GPATCH8: variants seen among roughly 807,000 people sequenced by gnomAD.
The protein encoded by GPATCH8 is G-patch domain containing 8.
A neutral mutation model predicts 118.3 loss-of-function variants in GPATCH8; 18 were observed. The observed-to-expected ratio is 0.15, with a 90% CI of 0.11 to 0.23. The LOEUF (loss-of-function observed/expected upper bound fraction) is 0.23, where lower values mean the gene tolerates loss of function less well. Among genes scored for constraint, GPATCH8 ranks in the 10% least tolerant of loss-of-function variants. The pLI, the probability that GPATCH8 is intolerant of heterozygous loss-of-function variation, is 1.00. For missense variants in GPATCH8, 1,631 were observed against 1,873.8 expected, an observed-to-expected ratio of 0.87 and a Z score of 2.39; for synonymous variants, 659 against 684.7, an observed-to-expected ratio of 0.96 and a Z score of 0.59.
At chr17:44,483,182 T>A (rs1440742115) in intron 1 of GPATCH8, among the ~76,000 whole-genome samples, 951 of 12,824 alleles carry the variant, frequency 0.074, 76 homozygotes, top group Non-Finnish European at 0.096. Context: ...AAAAAATATA[T>A]ATATATATAT....
intron 5 of GPATCH8, among the ~76,000 whole-genome samples, chr17:44,426,018 C>CTCT (rs2050077574): frequency 6.6e-6 from 1 of 152,156 alleles, no homozygotes; most frequent in South Asian, 2.1e-4. Context: ...GAAAGTTAAG[C>CTCT]TCTTTATAGA....
Position 44,424,469 on chromosome 17 carries a change from T to C in GPATCH8, c.372A>G (p.Ala124=). Residue 124 remains alanine, a synonymous_variant, in exon 6 of 8, where the codon GCA becomes GCG. Transcript: ENST00000591680. Reference sequence around the variant, plus strand: ...TGAGGTCTTCCAAGGCTTTGGCAATTGCCTTCTCTTTGTCAACATAATCCT... The same window carrying C: ...TGAGGTCTTCCAAGGCTTTGGCAATCGCCTTCTCTTTGTCAACATAATCCT... ...KYKDYVDKEK[A]IAKALEDLRA... 2 of 1,608,404 alleles carry C rather than the reference T, an allele frequency of 1.2e-6. No individual in the cohort carries two copies. The highest frequency in any genetic ancestry group is 1.7e-6 in the Non-Finnish European group (2 of 1,174,862).
intron 2 of GPATCH8, among the ~76,000 whole-genome samples, chr17:44,471,580 T>C (rs1462734154): frequency 6.6e-6 from 1 of 152,154 alleles, no homozygotes; most frequent in Non-Finnish European, 1.5e-5. Flanking sequence ...CACTTTTGAG[T>C]TGCATGCTGT....
At chr17:44,476,055 G>A (rs1353230665) in intron 1 of GPATCH8, among the ~76,000 whole-genome samples, 1 of 151,912 alleles carries the variant, frequency 6.6e-6, no homozygotes, top group Non-Finnish European at 1.5e-5. Context: ...CAACTTATTA[G>A]GAATCTAGGC....
intron 3 of GPATCH8, among the ~76,000 whole-genome samples, chr17:44,450,670 A>T (rs2051080666): frequency 6.6e-6 from 1 of 152,202 alleles, no homozygotes; most frequent in African/African-American, 2.4e-5. Context: ...GTAAATTTTA[A>T]ATGAACTTTT....
At chr17:44,480,517 A>C (rs1968141344) in intron 1 of GPATCH8, among the ~76,000 whole-genome samples, 1 of 152,084 alleles carries the variant, frequency 6.6e-6, no homozygotes, top group Non-Finnish European at 1.5e-5. Context: ...GGAGTACAAG[A>C]CCAGCCTGAC....
intron 6 of GPATCH8, among the ~76,000 whole-genome samples, chr17:44,419,473 G>A (rs1161029808): frequency 6.6e-6 from 1 of 152,104 alleles, no homozygotes; most frequent in Non-Finnish European, 1.5e-5. Flanking sequence ...GTCAATTAAA[G>A]ATTCCTTAGA....
chr17:44,420,003 A>AAAAACC (rs951700230), intron 6 of GPATCH8, among the ~76,000 whole-genome samples: 2 of 152,090 alleles, frequency 1.3e-5, no homozygotes, highest in East Asian at 1.9e-4. Flanking sequence ...ACATTTCACC[A>AAAAACC]AAAACCAAAA....
chr17:44,463,921 C>T (rs933821396), intron 3 of GPATCH8, among the ~76,000 whole-genome samples: 1 of 152,062 alleles, frequency 6.6e-6, no homozygotes, highest in Non-Finnish European at 1.5e-5. Context: ...GAGAAATAAC[C>T]TCTCTGCTCA....
At chr17:44,458,992 G>A (rs988052543) in intron 3 of GPATCH8, among the ~76,000 whole-genome samples, 4 of 152,134 alleles carry the variant, frequency 2.6e-5, no homozygotes, top group African/African-American at 9.7e-5. Context: ...TGTGGGGTAA[G>A]GAATGACAAT....
At chr17:44,499,715 T>C (rs536530870) in intron 1 of GPATCH8, among the ~76,000 whole-genome samples, 4 of 152,338 alleles carry the variant, frequency 2.6e-5, no homozygotes, top group East Asian at 1.9e-4. Context: ...TCTTAAGTTA[T>C]ACATTTTCCA....
chr17:44,493,071 T>TTTTTTTTA (rs1568071349), intron 1 of GPATCH8, among the ~76,000 whole-genome samples: 1 of 150,790 alleles, frequency 6.6e-6, no homozygotes, highest in African/African-American at 2.4e-5. Context: ...TTTTTTTTTT[T>TTTTTTTTA]AAGACAGAGT....
chr17:44,498,982 T>A (rs1568079678), intron 1 of GPATCH8, among the ~76,000 whole-genome samples: 1 of 152,206 alleles, frequency 6.6e-6, no homozygotes, highest in Non-Finnish European at 1.5e-5. Context: ...AGAGGATTCC[T>A]ACAAACATAC....
intron 1 of GPATCH8, among the ~76,000 whole-genome samples, chr17:44,488,565 T>G (rs919752232): frequency 5.3e-5 from 8 of 149,852 alleles, no homozygotes; most frequent in Non-Finnish European, 8.9e-5. Context: ...GAGACGGGGT[T>G]TCACCATGTT....
chr17:44,448,742 G>A (rs2050999137), intron 3 of GPATCH8, among the ~76,000 whole-genome samples: 1 of 148,802 alleles, frequency 6.7e-6, no homozygotes, highest in African/African-American at 2.5e-5. Flanking sequence ...TACTAAGATA[G>A]GAAACAATGT....
At chr17:44,486,253 A>ATT (rs1555647820) in intron 1 of GPATCH8, 3 of 151,006 alleles carry the variant, frequency 2.0e-5, no homozygotes, top group African/African-American at 7.3e-5. Context: ...CATTTTTTCC[A>ATT]TTTCTTTTCT....
intron 7 of GPATCH8, among the ~76,000 whole-genome samples, chr17:44,404,732 C>T (rs908866736): frequency 1.3e-5 from 2 of 151,922 alleles, no homozygotes; most frequent in African/African-American, 4.8e-5. Context: ...TATAGATATG[C>T]TTTTAGTTTG....
chr17:44,451,026 T>C (rs770562486), intron 3 of GPATCH8, among the ~76,000 whole-genome samples: 12 of 152,198 alleles, frequency 7.9e-5, no homozygotes, highest in Admixed American at 4.6e-4. Flanking sequence ...ATTTGTTACA[T>C]TATTTGTTTC....
intron 2 of GPATCH8, among the ~76,000 whole-genome samples, chr17:44,466,698 T>A (rs2051778165): frequency 6.6e-6 from 1 of 152,220 alleles, no homozygotes. Context: ...GGCCCTTATT[T>A]TACTACTATG....
Sources: allele counts gnomAD v4.1 joint callset (sites outside exome capture counted in the v4.1 genomes callset), GRCh38; gene constraint gnomAD v4.1.1; transcripts MANE v1.5; gene names NCBI Gene and HGNC (gene_info 2026-07-23, HGNC 2026-07-21).